BNC2: variants seen among roughly 807,000 people sequenced by gnomAD.
BNC2 encodes basonuclin zinc finger protein 2.
In BNC2, 20 loss-of-function variants were observed where a neutral mutation model predicts 76.3. That is an observed-to-expected ratio of 0.26 (90% CI 0.18 to 0.38). The LOEUF is 0.38. Ranked by LOEUF, BNC2 falls within the 10% of genes least tolerant of loss-of-function variation. BNC2 has a pLI of 1.00. For missense variants in BNC2, 1,382 were observed against 1,399.8 expected, an observed-to-expected ratio of 0.99 and a Z score of 0.20; for synonymous variants, 582 against 514.8, an observed-to-expected ratio of 1.13 and a Z score of -1.77.
In BNC2 at chr9:16,848,604, C is replaced by A. The variant is rs1388945504; in HGVS notation, c.3+22042G>T. Reference sequence around the variant, plus strand: ...CAGAACTTTACACCTGAAAACAAGGCCTGCTAAGGACCCTCTCTACCTTCA... The same window carrying A: ...CAGAACTTTACACCTGAAAACAAGGACTGCTAAGGACCCTCTCTACCTTCA... On this transcript the variant is annotated intron_variant, in intron 1 of 6. Transcript: ENST00000380672. 2.6e-5 allele frequency among the ~76,000 whole-genome samples: 4 copies of A among 152,218 alleles called. No homozygotes were observed. The South Asian group carries it at 8.3e-4, about 32-fold the overall frequency.
intron 5 of BNC2, among the ~76,000 whole-genome samples, chr9:16,470,677 A>G (rs1296923911): frequency 6.6e-6 from 1 of 152,234 alleles, no homozygotes; most frequent in Non-Finnish European, 1.5e-5. Flanking sequence ...GGAAGCCCCA[A>G]GCCTTAGCAG....
intron 1 of BNC2, among the ~76,000 whole-genome samples, chr9:16,818,203 G>C (rs1818229136): frequency 6.6e-6 from 1 of 152,168 alleles, no homozygotes; most frequent in Non-Finnish European, 1.5e-5. Context: ...AGGAAATCAA[G>C]ACCATCCTGG....
intron 4 of BNC2, among the ~76,000 whole-genome samples, chr9:16,569,496 T>C (rs992698889): frequency 6.6e-6 from 1 of 152,108 alleles, no homozygotes; most frequent in African/African-American, 2.4e-5. Context: ...TCAAACTGAA[T>C]GGCATTTCCC....
intron 1 of BNC2, among the ~76,000 whole-genome samples, chr9:16,839,453 C>A (rs1204903797): frequency 6.6e-6 from 1 of 152,068 alleles, no homozygotes; most frequent in Admixed American, 6.5e-5. Flanking sequence ...AATAAAATGC[C>A]CTATACCAAA....
intron 1 of BNC2, among the ~76,000 whole-genome samples, chr9:16,827,654 G>C (rs568019985): frequency 6.6e-6 from 1 of 152,158 alleles, no homozygotes; most frequent in Non-Finnish European, 1.5e-5. Context: ...AGTGGAATTT[G>C]TGAGTACTGG....
chr9:16,491,000 A>G (rs1822267221), intron 5 of BNC2, among the ~76,000 whole-genome samples: 1 of 152,198 alleles, frequency 6.6e-6, no homozygotes, highest in Admixed American at 6.5e-5. Context: ...ACATGGCTCC[A>G]TATGAGCAGA....
At chr9:16,601,473 G>A (rs1008840457) in intron 3 of BNC2, among the ~76,000 whole-genome samples, 3 of 152,106 alleles carry the variant, frequency 2.0e-5, no homozygotes, top group South Asian at 4.1e-4. Flanking sequence ...AACTTGTTTC[G>A]AATCCCCTGG....
chr9:16,791,947 C>G (rs113610701), intron 1 of BNC2, among the ~76,000 whole-genome samples: 5 of 151,990 alleles, frequency 3.3e-5, no homozygotes, highest in African/African-American at 1.2e-4. Context: ...TATCAAAATA[C>G]AAAAATTAGC....
chr9:16,580,117 C>G, intron 4 of BNC2: 1 of 398,476 alleles, frequency 2.5e-6, no homozygotes, highest in Non-Finnish European at 4.4e-6. Context: ...CACCTCTGAG[C>G]AGAAGTCATT....
At chr9:16,422,533 C>A (rs754223526) in intron 6 of BNC2, among the ~76,000 whole-genome samples, 1 of 152,158 alleles carries the variant, frequency 6.6e-6, no homozygotes, top group Non-Finnish European at 1.5e-5. Flanking sequence ...GATTCTTTTA[C>A]GTTCAATTCC....
chr9:16,667,993 AC>A (rs1015280142), intron 3 of BNC2, among the ~76,000 whole-genome samples: 1 of 152,178 alleles, frequency 6.6e-6, no homozygotes, highest in African/African-American at 2.4e-5. Context: ...GGCATTTATC[AC>A]ATCAAGCAAT....
At chr9:16,616,305 T>C (rs962107398) in intron 3 of BNC2, among the ~76,000 whole-genome samples, 3 of 152,038 alleles carry the variant, frequency 2.0e-5, no homozygotes, top group South Asian at 2.1e-4. Flanking sequence ...GGCAGCAGGA[T>C]TGCTTGAGCC....
chr9:16,627,494 C>A (rs535301777), intron 3 of BNC2, among the ~76,000 whole-genome samples: 24 of 152,280 alleles, frequency 1.6e-4, no homozygotes, highest in African/African-American at 5.5e-4. Flanking sequence ...ATGCGGCTCA[C>A]ACCAGCAGTT....
chr9:16,534,622 G>A (rs1818075073), intron 5 of BNC2, among the ~76,000 whole-genome samples: 1 of 151,936 alleles, frequency 6.6e-6, no homozygotes, highest in Admixed American at 6.6e-5. Flanking sequence ...GTCTTTTGTA[G>A]GTAGGTATAC....
intron 3 of BNC2, among the ~76,000 whole-genome samples, chr9:16,590,777 C>T (rs1468071974): frequency 1.3e-5 from 2 of 152,106 alleles, no homozygotes; most frequent in Non-Finnish European, 2.9e-5. Context: ...ACTGCACTCC[C>T]AGCCTGGATG....
At chr9:16,424,500 C>T (rs1335168589) in intron 6 of BNC2, among the ~76,000 whole-genome samples, 1 of 152,150 alleles carries the variant, frequency 6.6e-6, no homozygotes, top group Non-Finnish European at 1.5e-5. Flanking sequence ...TTTTCCAGCT[C>T]AACTCTGCCG....
chr9:16,559,846 T>G (rs1818956455), intron 4 of BNC2, among the ~76,000 whole-genome samples: 2 of 152,252 alleles, frequency 1.3e-5, no homozygotes, highest in Non-Finnish European at 2.9e-5. Context: ...ACGTGCTGTA[T>G]GCAGATGCAA....
chr9:16,797,848 G>T (rs1817695514), intron 1 of BNC2, among the ~76,000 whole-genome samples: 1 of 152,130 alleles, frequency 6.6e-6, no homozygotes, highest in South Asian at 2.1e-4. Flanking sequence ...CCTAGGAAAG[G>T]AAGCAGGCCT....
chr9:16,599,316 T>C (rs1181404118), intron 3 of BNC2, among the ~76,000 whole-genome samples: 1 of 152,188 alleles, frequency 6.6e-6, no homozygotes, highest in Non-Finnish European at 1.5e-5. Context: ...GATTTACAAC[T>C]TTCATAGGAT....
Sources: gnomAD v4.1 joint callset for allele counts (sites outside exome capture counted in the v4.1 genomes callset) on GRCh38, gnomAD v4.1.1 for gene constraint, MANE v1.5 for transcripts, NCBI Gene and HGNC (gene_info 2026-07-23, HGNC 2026-07-21) for gene names.